FMN1: variants seen among roughly 807,000 people sequenced by gnomAD.
The protein encoded by FMN1 is formin 1, also known as formin-1.
Under a neutral mutation model 132.4 loss-of-function variants are expected in FMN1, and 110 were observed. That is an observed-to-expected ratio of 0.83 (90% CI 0.71 to 0.97). The LOEUF (loss-of-function observed/expected upper bound fraction) is 0.97. Among genes scored for constraint, FMN1 ranks in the 50% least tolerant of loss-of-function variants. FMN1 has a pLI of 0.00. For missense variants in FMN1, 1,792 were observed against 1,705.3 expected (o/e 1.05, Z -0.90); for synonymous variants, 722 against 651.7 (o/e 1.11, Z -1.64).
At chr15:32,840,842 ACT>A (rs1272337345) in intron 17 of FMN1, among the ~76,000 whole-genome samples, 1 of 152,224 alleles carries the variant, frequency 6.6e-6, no homozygotes, top group East Asian at 1.9e-4. Flanking sequence ...ATGTGCACAC[ACT>A]GTTTAAATTC....
intron 3 of FMN1, among the ~76,000 whole-genome samples, chr15:33,170,224 A>G (rs1595595378): frequency 6.6e-6 from 1 of 152,192 alleles, no homozygotes; most frequent in African/African-American, 2.4e-5. Flanking sequence ...CTGTAGAAGA[A>G]ATAAACTAGA....
chr15:32,915,739 G>T (rs2060668692), intron 10 of FMN1, among the ~76,000 whole-genome samples: 1 of 152,202 alleles, frequency 6.6e-6, no homozygotes, highest in Non-Finnish European at 1.5e-5. Flanking sequence ...GTCCACAAAG[G>T]GGAGACCCCA....
chr15:33,101,871 C>G (rs1480815605), intron 4 of FMN1, among the ~76,000 whole-genome samples: 2 of 152,070 alleles, frequency 1.3e-5, no homozygotes, highest in African/African-American at 2.4e-5. Context: ...ATCTATAACC[C>G]CACATAGGTA....
intron 3 of FMN1, among the ~76,000 whole-genome samples, chr15:33,164,026 C>T (rs970021532): frequency 6.6e-6 from 1 of 151,942 alleles, no homozygotes; most frequent in Non-Finnish European, 1.5e-5. Context: ...TGGTATGAAA[C>T]ATGGGAAAAA....
chr15:33,071,733 G>C (rs1248193350), intron 5 of FMN1, among the ~76,000 whole-genome samples: 1 of 152,220 alleles, frequency 6.6e-6, no homozygotes, highest in African/African-American at 2.4e-5. Flanking sequence ...TCAAGCCACT[G>C]GTTCTCATGA....
At chr15:33,167,565 A>G (rs1415537454) in intron 3 of FMN1, among the ~76,000 whole-genome samples, 1 of 152,322 alleles carries the variant, frequency 6.6e-6, no homozygotes, top group East Asian at 1.9e-4. Context: ...TGACCAAAGC[A>G]GGGGTTGGGG....
At chr15:32,908,464 A>G in intron 12 of FMN1, 26 bp downstream of exon 12, 1 of 1,504,766 alleles carries the variant, frequency 6.6e-7, no homozygotes, top group Non-Finnish European at 9.2e-7. Flanking sequence ...CTTTTGGCCT[A>G]ACAGAAAAAT....
At chr15:33,125,278 A>G (rs550197501) in intron 4 of FMN1, among the ~76,000 whole-genome samples, 2 of 152,332 alleles carry the variant, frequency 1.3e-5, no homozygotes, top group Admixed American at 6.5e-5. Context: ...AAGTTTAGAG[A>G]TAATACATAG....
At chr15:32,959,167 G>A (rs1043430306) in intron 9 of FMN1, among the ~76,000 whole-genome samples, 1 of 151,856 alleles carries the variant, frequency 6.6e-6, no homozygotes, top group African/African-American at 2.4e-5. Flanking sequence ...CTCTTGTTCA[G>A]TCATTATAAA....
chr15:32,998,719 A>T (rs1384424544), intron 7 of FMN1, among the ~76,000 whole-genome samples: 1 of 152,162 alleles, frequency 6.6e-6, no homozygotes, highest in African/African-American at 2.4e-5. Context: ...TAAAAAGAAA[A>T]CTGTCTTGGT....
At chr15:33,097,316 A>AAG (rs3081677) in intron 4 of FMN1, among the ~76,000 whole-genome samples, 25,085 of 147,036 alleles carry the variant, frequency 0.17, 2,254 homozygotes, top group Middle Eastern at 0.21. Context: ...AAAAAAAAAA[A>AAG]AGAGAGAGAG....
At chr15:32,877,116 T>C (rs1474953712) in intron 16 of FMN1, among the ~76,000 whole-genome samples, 2 of 152,082 alleles carry the variant, frequency 1.3e-5, no homozygotes, top group Admixed American at 6.5e-5. Flanking sequence ...TGAAAACCAG[T>C]ATCTACTAAA....
chr15:33,105,318 G>T (rs1260347354), intron 4 of FMN1, among the ~76,000 whole-genome samples: 1 of 151,892 alleles, frequency 6.6e-6, no homozygotes, highest in Non-Finnish European at 1.5e-5. Context: ...AAAATAAAAC[G>T]GACAATAAAA....
At chr15:33,030,970 C>T (rs529457106) in intron 6 of FMN1, among the ~76,000 whole-genome samples, 1 of 152,164 alleles carries the variant, frequency 6.6e-6, no homozygotes, top group South Asian at 2.1e-4. Flanking sequence ...TGTCCCTCCC[C>T]TAGCTCCCCA....
chr15:33,064,660 C>G (rs770878994), intron 6 of FMN1: 58 of 218,550 alleles, frequency 2.7e-4, no homozygotes, highest in Non-Finnish European at 4.0e-4. Context: ...TGAGGACCAA[C>G]CACCGGCTTC....
chr15:33,160,605 A>G (rs574758212), intron 3 of FMN1, among the ~76,000 whole-genome samples: 1 of 152,338 alleles, frequency 6.6e-6, no homozygotes, highest in East Asian at 1.9e-4. Context: ...GGTTAAATAC[A>G]CTGGCATTGC....
chr15:32,996,914 G>T (rs980597862), intron 7 of FMN1, among the ~76,000 whole-genome samples: 8 of 152,218 alleles, frequency 5.3e-5, no homozygotes, highest in Non-Finnish European at 8.8e-5. Flanking sequence ...TGGGTATCAG[G>T]GACTATACTG....
chr15:33,006,537 G>A (rs1474039638), intron 7 of FMN1, among the ~76,000 whole-genome samples: 1 of 152,060 alleles, frequency 6.6e-6, no homozygotes, highest in East Asian at 1.9e-4. Flanking sequence ...CCACTACTGG[G>A]TATATATTTA....
chr15:32,977,561 C>G (rs2032311072), intron 7 of FMN1, among the ~76,000 whole-genome samples: 1 of 152,202 alleles, frequency 6.6e-6, no homozygotes. Context: ...CAAATTTCCT[C>G]TAAGCCTCAT....
Sources: allele counts gnomAD v4.1 joint callset (sites outside exome capture counted in the v4.1 genomes callset), GRCh38; gene constraint gnomAD v4.1.1; transcripts MANE v1.5; gene names NCBI Gene and HGNC (gene_info 2026-07-23, HGNC 2026-07-21).